Variants in COX7B observed in about 807,000 individuals in gnomAD.
COX7B encodes cytochrome c oxidase subunit 7B, also known as cytochrome c oxidase subunit 7B, mitochondrial.
In COX7B, 2 loss-of-function variants were observed where a neutral mutation model predicts 7.9. That is an observed-to-expected ratio of 0.25 (90% CI 0.10 to 0.79). The LOEUF is 0.79. Among genes scored for constraint, COX7B ranks in the 30% least tolerant of loss-of-function variants. COX7B has a pLI of 0.69. For synonymous variants in COX7B, 19 were observed against 21.1 expected, an observed-to-expected ratio of 0.90 and a Z score of 0.27; for missense variants, 54 against 62.7, an observed-to-expected ratio of 0.86 and a Z score of 0.47.
intron 1 of COX7B, chrX:77,901,759 C>G (rs781816955): frequency 9.1e-6 from 1 of 110,028 alleles, no homozygotes; most frequent in African/African-American, 3.3e-5. Context: ...GAGAATTGCT[C>G]TGTTACCCAG....
chrX:77,899,547 C>T lies in COX7B; in HGVS notation c.-7C>T. 6.6e-6 allele frequency: 8 copies of T among 1,211,337 alleles called. No homozygotes were observed. Among genetic ancestry groups the T allele is most frequent in the Non-Finnish European group, 8.9e-6 (8 of 895,266 alleles). ...TGTATTGCCGCAGTTCTAGCTTCAC[C>T]TTCACGATGTTTCCCTTGGTCAAAA... On this transcript the variant is annotated 5_prime_UTR_variant, in exon 1 of 3. Coordinates refer to ENST00000650309, the MANE Select transcript of COX7B (RefSeq NM_001866.3).
chrX:77,902,645 C>T lies in COX7B; in HGVS notation c.43C>T (p.Arg15Ter). 8.3e-7 allele frequency: 1 copy of T among 1,208,310 alleles called. No individual in the cohort carries two copies. The highest frequency in any genetic ancestry group is 1.1e-6 in the Non-Finnish European group (1 of 894,663). The change falls in exon 2 of 3, where the codon CGA becomes TGA. Residue 15 changes from arginine (R) to a stop codon, truncating the protein, a stop_gained and splice_region_variant. Coordinates refer to ENST00000650309, the MANE Select transcript of COX7B (RefSeq NM_001866.3). LOFTEE classifies it high-confidence loss of function. ...TTCTTTTTTCGTTTTCCTGTAAGTT[C>T]GAAGCATTCAGCAAACAATGGCAAG... Reference protein sequence around the residue: ...VKSALNRLQVRSIQQTMARQS... With the variant: ...VKSALNRLQV
intron 2 of COX7B, chrX:77,903,028 GTTT>G: frequency 3.3e-5 from 5 of 149,370 alleles, no homozygotes; most frequent in Non-Finnish European, 6.1e-5. Flanking sequence ...TTTTGTTTTT[GTTT>G]TTTTTTTTTT....
chrX:77,904,385 T>C (rs1229540068), intron 2 of COX7B, among the ~76,000 whole-genome samples: 1 of 109,044 alleles, frequency 9.2e-6, no homozygotes, highest in Non-Finnish European at 1.9e-5. Flanking sequence ...GCATGGTGGC[T>C]CACGCCTGTA....
rs1342331213 is a variant in COX7B, at chrX:77,905,086, A to G, written c.166-98A>G. ...CCCAGGTGAGTTTCTGTGTATTTTTAACCTATAGAACAGAATATCTGTCAT... is the reference window on the plus strand; with the variant it reads ...CCCAGGTGAGTTTCTGTGTATTTTTGACCTATAGAACAGAATATCTGTCAT... On this transcript the variant is annotated intron_variant, in intron 2 of 2. Transcript: ENST00000650309. 8.6e-6 allele frequency: 6 copies of G among 699,943 alleles called. No individual in the cohort carries two copies. In the Middle Eastern group the frequency reaches 9.1e-4, roughly 107 times the overall value. 57.7% of individuals were successfully genotyped at this position (699,943 alleles called of 1,213,427 possible). A position where few individuals can be genotyped will look rare whatever the true frequency, so the allele number is the denominator to read the frequency against.
At chrX:77,904,126 G>A (rs1426439130) in intron 2 of COX7B, among the ~76,000 whole-genome samples, 2 of 105,375 alleles carry the variant, frequency 1.9e-5, no homozygotes, top group East Asian at 3.0e-4. Flanking sequence ...TAGAGATGGG[G>A]TTTCACCGTG....
At position 77,906,976 on chromosome X, in the gene COX7B, T is replaced by G. The variant is rs2077136826; in HGVS notation, c.*1715T>G. 1 of 100,542 alleles carries G rather than the reference T, an allele frequency of 9.9e-6. No individual in the cohort carries two copies. The highest frequency in any genetic ancestry group is 1.9e-5 in the Non-Finnish European group (1 of 52,954). The allele number at this position is 100,542 out of a possible 1,213,427, so 8.3% of individuals were successfully genotyped here. A position where few individuals can be genotyped will look rare whatever the true frequency, so the allele number is the denominator to read the frequency against. ...GAGAGCTGTAGTCTGTGGTAGTTGTTTTGTTTTGTTTTTTGTTTTTTTTTT... is the reference window on the plus strand; with the variant it reads ...GAGAGCTGTAGTCTGTGGTAGTTGTGTTGTTTTGTTTTTTGTTTTTTTTTT... On this transcript the variant is annotated 3_prime_UTR_variant, in exon 3 of 3. Coordinates refer to ENST00000650309, the MANE Select transcript of COX7B (RefSeq NM_001866.3).
intron 1 of COX7B, among the ~76,000 whole-genome samples, chrX:77,899,983 G>A (rs1221041671): frequency 3.6e-5 from 4 of 111,947 alleles, no homozygotes; most frequent in Non-Finnish European, 7.5e-5. Context: ...TGTAATAGAC[G>A]GAAACTGTAA....
Position 77,899,488 on chromosome X carries a change from G to A in COX7B, c.-66G>A, listed in dbSNP as rs2077115059. Reference sequence around the variant, plus strand: ...ATTTTGTTTTTCAGCTCACTTCAAGGGTACCTGAAGCGAATTGGCACCAAA... The same window carrying A: ...ATTTTGTTTTTCAGCTCACTTCAAGAGTACCTGAAGCGAATTGGCACCAAA... On this transcript the variant is annotated 5_prime_UTR_variant, in exon 1 of 3. Transcript: ENST00000650309. 5 of 1,141,986 alleles carry A rather than the reference G, an allele frequency of 4.4e-6. No homozygotes were observed. Among genetic ancestry groups the A allele is most frequent in the Non-Finnish European group, 6.0e-6 (5 of 835,149 alleles). The allele number at this position is 1,141,986 out of a possible 1,213,427, so 94.1% of individuals were successfully genotyped here. A position where few individuals can be genotyped will look rare whatever the true frequency, so the allele number is the denominator to read the frequency against.
intron 1 of COX7B, 75 bp from the exon 2 acceptor site, chrX:77,902,568 G>C: frequency 9.3e-7 from 1 of 1,080,447 alleles, no homozygotes; most frequent in South Asian, 2.0e-5. Context: ...CTGATTGGCA[G>C]TATCAATCAC....
At chrX:77,904,347 C>A (rs1484596533) in intron 2 of COX7B, among the ~76,000 whole-genome samples, 2 of 109,221 alleles carry the variant, frequency 1.8e-5, no homozygotes, top group African/African-American at 6.6e-5. Flanking sequence ...TTCCTGAAAT[C>A]AAATATTAAG....
chrX:77,899,582 A>C lies in COX7B; in HGVS notation c.29A>C (p.Asn10Thr). 21 of 1,210,661 alleles carry C rather than the reference A, an allele frequency of 1.7e-5. No homozygotes were observed. Among genetic ancestry groups the C allele is most frequent in the Non-Finnish European group, 2.2e-5 (20 of 895,090 alleles). Reference sequence around the variant, plus strand: ...TTTCCCTTGGTCAAAAGCGCACTAAATCGTCTCCAAGGTGAGCAAAAATTA... The same window carrying C: ...TTTCCCTTGGTCAAAAGCGCACTAACTCGTCTCCAAGGTGAGCAAAAATTA... MFPLVKSAL[N>T]RLQVRSIQQT... The change falls in exon 1 of 3, where the codon AAT becomes ACT. Residue 10 changes from asparagine to threonine, a missense_variant. Physicochemically the swap from Asn to Thr is moderately conservative, Grantham distance 65 (BLOSUM62 0). Transcript: ENST00000650309.
intron 2 of COX7B, among the ~76,000 whole-genome samples, chrX:77,903,929 G>T (rs868984319): frequency 1.1e-3 from 99 of 90,146 alleles, no homozygotes; most frequent in Middle Eastern, 5.6e-3. Flanking sequence ...TTTTTGTTTT[G>T]TTTTTTGTTT....
chrX:77,905,310 T>A lies in COX7B; in HGVS notation c.*49T>A, dbSNP rs1557221039. 1.0e-6 allele frequency: 1 copy of A among 983,708 alleles called. No individual in the cohort carries two copies. The highest frequency in any genetic ancestry group is 3.0e-5 in the East Asian group (1 of 32,814). 81.1% of individuals were successfully genotyped at this position (983,708 alleles called of 1,213,427 possible). ...AATTGTTTAAAAAACAGCTCATAAT[T>A]GATGCCAAATTAAAGCACTGTGTAC... On this transcript the variant is annotated 3_prime_UTR_variant, in exon 3 of 3. Coordinates refer to ENST00000650309, the MANE Select transcript of COX7B (RefSeq NM_001866.3).
chrX:77,902,482 CT>C (rs1431577742), intron 1 of COX7B, among the ~76,000 whole-genome samples, 160 bp from the exon 2 acceptor site: 1 of 112,683 alleles, frequency 8.9e-6, no homozygotes, highest in Non-Finnish European at 1.9e-5. Context: ...TCAAAGTACA[CT>C]GCTTTAATAG....
chrX:77,902,421 G>T (rs1284594305), intron 1 of COX7B, among the ~76,000 whole-genome samples: 9 of 112,095 alleles, frequency 8.0e-5, no homozygotes, highest in Non-Finnish European at 1.7e-4. Context: ...TTTGCTATTT[G>T]TTTTATCATG....
At chrX:77,903,755 C>G (rs907078304) in intron 2 of COX7B, among the ~76,000 whole-genome samples, 1 of 110,807 alleles carries the variant, frequency 9.0e-6, no homozygotes, top group Non-Finnish European at 1.9e-5. Context: ...AACAATTTTT[C>G]TTTTAAAATT....
chrX:77,905,260 A>G lies in COX7B; in HGVS notation c.242A>G (p.Ter81=), dbSNP rs1557221022. Residue 81 remains the stop codon, a stop_retained_variant, in exon 3 of 3, where the codon TAA becomes TGA. Transcript: ENST00000650309. Reference sequence around the variant, plus strand: ...ACCCCAAAGGAATGGAGGAATCAGTAATCATCCCAGCTGGTGTAATAATGA... The same window carrying G: ...ACCCCAAAGGAATGGAGGAATCAGTGATCATCCCAGCTGGTGTAATAATGA... ...RVTPKEWRNQ[*] is the part of the protein sequence containing the mutation. 8 of 1,195,702 alleles carry G rather than the reference A, an allele frequency of 6.7e-6. No homozygotes were observed. The Middle Eastern group carries it at 1.2e-3, about 185-fold the overall frequency.
intron 1 of COX7B, among the ~76,000 whole-genome samples, chrX:77,900,817 C>T (rs2077118418): frequency 8.9e-6 from 1 of 112,310 alleles, no homozygotes; most frequent in South Asian, 3.6e-4. Context: ...GTAAATAATG[C>T]CTACTTCATG....
Sources: allele counts gnomAD v4.1 joint callset (sites outside exome capture counted in the v4.1 genomes callset), GRCh38; gene constraint gnomAD v4.1.1; transcripts MANE v1.5; gene names NCBI Gene and HGNC (gene_info 2026-07-23, HGNC 2026-07-21).